Variants in MYDGF observed in about 807,000 individuals in gnomAD.
MYDGF encodes the protein myeloid-derived growth factor.
A neutral mutation model predicts 24.2 loss-of-function variants in MYDGF; 29 were observed. The observed-to-expected ratio is 1.20, with a 90% CI of 0.89 to 1.63. The LOEUF (loss-of-function observed/expected upper bound fraction) is 1.63. MYDGF is among the 40% of genes most tolerant of loss of function. The probability of loss-of-function intolerance (pLI) is 0.00; values close to 1 mark genes in which losing one functional copy is unlikely to be tolerated. For synonymous variants in MYDGF, 105 were observed against 102.5 expected (o/e 1.02, Z -0.15); for missense variants, 245 against 234.8 (o/e 1.04, Z -0.29).
At position 4,658,023 on chromosome 19, in the gene MYDGF, T is replaced by A; in HGVS notation, c.504A>T (p.Ala168=). 1.2e-6 allele frequency: 2 copies of A among 1,611,266 alleles called. No individual in the cohort carries two copies. Among genetic ancestry groups the A allele is most frequent in the Non-Finnish European group, 1.7e-6 (2 of 1,179,276 alleles). The change falls in exon 6 of 6, where the codon GCA becomes GCT. Residue 168 remains alanine (A), a synonymous_variant. Coordinates refer to ENST00000262947, the MANE Select transcript of MYDGF (RefSeq NM_019107.4). ...ELSKLVIVAK[A]SRTEL ...CTGCTGGTCACAGCTCAGTGCGCGA[T>A]GCCTTGGCCACAATCACCAGCTTGG...
rs541970284 is a variant in MYDGF at position 4,657,648 on chromosome 19, G to A, written c.*357C>T. On this transcript the variant is annotated 3_prime_UTR_variant, in exon 6 of 6. Coordinates refer to ENST00000262947, the MANE Select transcript of MYDGF (RefSeq NM_019107.4). ...TGGGTAAACATAGGAAAGCAGTTCT[G>A]CAGGCTCATGAAGGATGCTCGGCTG... is the stretch of plus-strand genomic sequence containing the variant. 4 of 188,820 alleles carry A rather than the reference G, an allele frequency of 2.1e-5. No homozygotes were observed. In the South Asian group the frequency reaches 7.0e-4, roughly 33 times the overall value. The allele number at this position is 188,820 out of a possible 1,614,324, so 11.7% of individuals were successfully genotyped here.
At chr19:4,670,126 A>G in intron 1 of MYDGF, 35 bp downstream of exon 1, 1 of 1,409,124 alleles carries the variant, frequency 7.1e-7, no homozygotes, top group Non-Finnish European at 9.3e-7. Context: ...CGGGCCTGCC[A>G]GCACTCAAAT....
At chr19:4,658,322 G>A (rs960000129) in intron 5 of MYDGF, among the ~76,000 whole-genome samples, 3 of 152,218 alleles carry the variant, frequency 2.0e-5, no homozygotes, top group African/African-American at 4.8e-5. Context: ...GGAAGCCACA[G>A]AAAGACCTGA....
chr19:4,664,404 C>A (rs1292868461), intron 3 of MYDGF, among the ~76,000 whole-genome samples: 3 of 151,396 alleles, frequency 2.0e-5, no homozygotes, highest in African/African-American at 7.3e-5. Flanking sequence ...GGAGGAGAAT[C>A]GCTTGAACCC....
Position 4,659,878 on chromosome 19 carries a change from C to T in MYDGF, c.442+53G>A, listed in dbSNP as rs542115288. ...CCCCTCTCCAAACTGCCCCGATTGC[C>T]CACCCTTGGATGGGGGTGGCGTCAC... is the stretch of plus-strand genomic sequence containing the variant. On this transcript the variant is annotated intron_variant, in intron 5 of 5. Transcript: ENST00000262947. 45 of 1,565,396 alleles carry T rather than the reference C, an allele frequency of 2.9e-5. No homozygotes were observed. In the African/African-American group the frequency reaches 6.0e-4, roughly 21 times the overall value.
chr19:4,670,324 G>T lies in MYDGF; in HGVS notation c.11C>A (p.Pro4His). The T allele has an allele frequency of 6.8e-7, 1 of 1,460,666 alleles. No individual in the cohort carries two copies. Among genetic ancestry groups the T allele is most frequent in the Non-Finnish European group, 9.1e-7 (1 of 1,104,840 alleles). The allele number at this position is 1,460,666 out of a possible 1,614,324, so 90.5% of individuals were successfully genotyped here. A position where few individuals can be genotyped will look rare whatever the true frequency, so the allele number is the denominator to read the frequency against. The part of the protein sequence containing the change: MAA[P>H]SGGWNGVGAS... Reference sequence around the variant, plus strand: ...GCCGACGCCGTTCCACCCTCCGCTGGGCGCCGCCATGTTGGACTAGGGTCC... The same window carrying T: ...GCCGACGCCGTTCCACCCTCCGCTGTGCGCCGCCATGTTGGACTAGGGTCC... Residue 4 changes from proline to histidine, a missense_variant, in exon 1 of 6, where the codon CCC becomes CAC. Transcript: ENST00000262947.
chr19:4,668,195 T>C (rs1253218316), intron 2 of MYDGF, among the ~76,000 whole-genome samples: 1 of 152,188 alleles, frequency 6.6e-6, no homozygotes, highest in African/African-American at 2.4e-5. Context: ...CCAAAATACC[T>C]TGAGTTTGGT....
At position 4,664,914 on chromosome 19, in the gene MYDGF, G is replaced by A. The variant is rs1226619213; in HGVS notation, c.249C>T (p.Thr83=). 1 of 1,612,822 alleles carries A rather than the reference G, an allele frequency of 6.2e-7. No homozygotes were observed. Among genetic ancestry groups the A allele is most frequent in the African/African-American group, 1.3e-5 (1 of 74,930 alleles). Residue 83 remains threonine, a synonymous_variant, in exon 3 of 6, where the codon ACC becomes ACT. Coordinates refer to ENST00000262947, the MANE Select transcript of MYDGF (RefSeq NM_019107.4). ...TNEQWQMSLG[T]SEDHQHFTCT... ...AGGTGAAGTGCTGGTGGTCTTCGCTGGTCCCCAGACTCATCTGCCATTGCT... is the reference window on the plus strand; with the variant it reads ...AGGTGAAGTGCTGGTGGTCTTCGCTAGTCCCCAGACTCATCTGCCATTGCT...
At chr19:4,668,139 G>GCTGGT (rs1379901138) in intron 2 of MYDGF, among the ~76,000 whole-genome samples, 1 of 152,160 alleles carries the variant, frequency 6.6e-6, no homozygotes, top group Non-Finnish European at 1.5e-5. Flanking sequence ...TGTTGGCCAG[G>GCTGGT]CTGGTCTCGA....
At chr19:4,659,776 G>C (rs1424322115) in intron 5 of MYDGF, 155 bp downstream of exon 5, 2 of 685,992 alleles carry the variant, frequency 2.9e-6, no homozygotes, top group Non-Finnish European at 5.2e-6. Flanking sequence ...CAAAGCTGAA[G>C]ATATTGACGA....
chr19:4,661,944 C>CA (rs1438750732), intron 3 of MYDGF, among the ~76,000 whole-genome samples: 1 of 152,166 alleles, frequency 6.6e-6, no homozygotes, highest in Non-Finnish European at 1.5e-5. Flanking sequence ...CTCAGGGGTC[C>CA]ATGCAGGGCA....
intron 5 of MYDGF, among the ~76,000 whole-genome samples, chr19:4,659,466 C>T (rs545619354): frequency 1.5e-4 from 22 of 151,676 alleles, no homozygotes; most frequent in Admixed American, 6.6e-4. Flanking sequence ...TCAAGTGTTC[C>T]GCCCGCCTCG....
intron 5 of MYDGF, chr19:4,659,552 G>A: frequency 2.5e-6 from 1 of 402,690 alleles, no homozygotes. Context: ...TGTAGAGACA[G>A]GGTCTCGCTA....
Position 4,657,944 on chromosome 19 carries a change from GAC to G in MYDGF, c.*59_*60del. ...CCAGTGATGTGCTGGCCCTTTCAGG[GAC>G]ACAGGCCCCTTCAGCTTCACCGGAG... On this transcript the variant is annotated 3_prime_UTR_variant, in exon 6 of 6. Coordinates refer to ENST00000262947, the MANE Select transcript of MYDGF (RefSeq NM_019107.4). 6.8e-7 allele frequency: 1 copy of G among 1,462,074 alleles called. No homozygotes were observed. Among genetic ancestry groups the G allele is most frequent in the South Asian group, 1.2e-5 (1 of 82,216 alleles). 90.6% of individuals were successfully genotyped at this position (1,462,074 alleles called of 1,614,324 possible).
chr19:4,659,668 A>C, intron 5 of MYDGF: 1 of 512,986 alleles, frequency 1.9e-6, no homozygotes. Flanking sequence ...AGCTAAGATA[A>C]AGTTCTAGTG....
chr19:4,669,268 G>T (rs899925974), intron 1 of MYDGF, among the ~76,000 whole-genome samples: 2 of 152,228 alleles, frequency 1.3e-5, no homozygotes, highest in African/African-American at 4.8e-5. Flanking sequence ...GCGGTCAGGA[G>T]TTCAAGACCA....
chr19:4,665,580 G>A (rs1324505443), intron 2 of MYDGF, among the ~76,000 whole-genome samples: 2 of 152,116 alleles, frequency 1.3e-5, no homozygotes, highest in East Asian at 3.9e-4. Flanking sequence ...CCAGCACTTT[G>A]GGAGGCCGAG....
intron 2 of MYDGF, among the ~76,000 whole-genome samples, chr19:4,668,084 T>G (rs1308144899): frequency 6.6e-6 from 1 of 152,048 alleles, no homozygotes; most frequent in Non-Finnish European, 1.5e-5. Flanking sequence ...TGTGCCACCA[T>G]GCCCAGCTAA....
At chr19:4,661,785 G>A (rs1334985241) in intron 3 of MYDGF, among the ~76,000 whole-genome samples, 1 of 152,130 alleles carries the variant, frequency 6.6e-6, no homozygotes, top group Non-Finnish European at 1.5e-5. Flanking sequence ...AGATGAGGAG[G>A]CCTGGGGTGG....
Sources: gnomAD v4.1 joint callset for allele counts (sites outside exome capture counted in the v4.1 genomes callset) on GRCh38, gnomAD v4.1.1 for gene constraint, MANE v1.5 for transcripts, NCBI Gene and HGNC (gene_info 2026-07-23, HGNC 2026-07-21) for gene names.